Variants in RAB4A observed in about 807,000 individuals in gnomAD.
RAB4A encodes ras-related protein Rab-4A.
Under a neutral mutation model 34.5 loss-of-function variants are expected in RAB4A, and 20 were observed. The ratio of observed to expected loss-of-function variants is 0.58; its 90% CI spans 0.41 to 0.84. RAB4A has a LOEUF of 0.84. Among genes scored for constraint, RAB4A ranks in the 40% least tolerant of loss-of-function variants. The pLI is 0.00. For synonymous variants in RAB4A, 102 were observed against 100.0 expected, an observed-to-expected ratio of 1.02 and a Z score of -0.12; for missense variants, 228 against 274.5, an observed-to-expected ratio of 0.83 and a Z score of 1.20.
intron 6 of RAB4A, among the ~76,000 whole-genome samples, chr1:229,302,288 TA>T (rs55651674): frequency 0.013 from 302 of 24,112 alleles, 28 homozygotes; most frequent in African/African-American, 0.044. Context: ...TATATATATA[TA>T]TATATATATA....
At chr1:229,298,774 CT>C (rs1278376797) in intron 5 of RAB4A, among the ~76,000 whole-genome samples, 1 of 152,206 alleles carries the variant, frequency 6.6e-6, no homozygotes, top group East Asian at 1.9e-4. Flanking sequence ...ATAGCAGTTA[CT>C]TTTCAGAAAA....
chr1:229,276,445 C>G (rs1656651540), intron 1 of RAB4A, among the ~76,000 whole-genome samples: 1 of 151,490 alleles, frequency 6.6e-6, no homozygotes, highest in Non-Finnish European at 1.5e-5. Context: ...TGCTGATGCT[C>G]TGATGACTGT....
At chr1:229,276,336 C>A (rs1656649135) in intron 1 of RAB4A, among the ~76,000 whole-genome samples, 1 of 151,408 alleles carries the variant, frequency 6.6e-6, no homozygotes, top group South Asian at 2.1e-4. Context: ...TGACTCCATG[C>A]TCGAGAACTT....
At chr1:229,303,085 T>G in intron 7 of RAB4A, 96 bp downstream of exon 7, 2 of 853,784 alleles carry the variant, frequency 2.3e-6, no homozygotes, top group Non-Finnish European at 3.7e-6. Flanking sequence ...AAAGAGGGGA[T>G]CCCAGCCGGG....
chr1:229,294,728 G>A (rs562376254), intron 3 of RAB4A, among the ~76,000 whole-genome samples: 253 of 152,280 alleles, frequency 1.7e-3, no homozygotes, highest in Non-Finnish European at 3.1e-3. Context: ...TACTCAGGAG[G>A]CTGAGGCAGG....
intron 4 of RAB4A, 75 bp downstream of exon 4, chr1:229,295,985 C>T (rs1219067186): frequency 3.4e-6 from 5 of 1,480,328 alleles, no homozygotes; most frequent in Non-Finnish European, 4.7e-6. Flanking sequence ...GCGAGGTGCC[C>T]TCCGTGCAGT....
intron 1 of RAB4A, among the ~76,000 whole-genome samples, chr1:229,278,142 G>T (rs1656696015): frequency 6.6e-6 from 1 of 152,182 alleles, no homozygotes; most frequent in Non-Finnish European, 1.5e-5. Flanking sequence ...TGGGATTACA[G>T]GCATGATCCA....
intron 4 of RAB4A, 38 bp downstream of exon 4, chr1:229,295,948 T>G: frequency 6.2e-7 from 1 of 1,605,312 alleles, no homozygotes; most frequent in Non-Finnish European, 8.5e-7. Context: ...GGGTGCTCAG[T>G]GCCCTGCAGC....
rs1656461778 is a variant in RAB4A at position 229,271,292 on chromosome 1, C to G, written c.-48C>G. ...CCCACCGAGACGCGCCGGCGGACCG[C>G]GGGCGAGTGCAGCCGGTGACCCGGC... On this transcript the variant is annotated 5_prime_UTR_variant, in exon 1 of 8. Transcript: ENST00000366690. 2 of 1,329,030 alleles carry G rather than the reference C, an allele frequency of 1.5e-6. No homozygotes were observed. The highest frequency in any genetic ancestry group is 6.4e-5 in the East Asian group (2 of 31,488). The allele number at this position is 1,329,030 out of a possible 1,614,324, so 82.3% of individuals were successfully genotyped here.
intron 5 of RAB4A, among the ~76,000 whole-genome samples, chr1:229,298,649 G>A (rs1657304559): frequency 6.6e-6 from 1 of 152,232 alleles, no homozygotes; most frequent in Non-Finnish European, 1.5e-5. Flanking sequence ...AACTTTCCCT[G>A]AAATCAATGG....
chr1:229,275,677 G>A (rs765879852), intron 1 of RAB4A, among the ~76,000 whole-genome samples: 20 of 146,140 alleles, frequency 1.4e-4, no homozygotes, highest in Non-Finnish European at 2.5e-4. Context: ...CTGGAGTGCA[G>A]TGGCACAATC....
At chr1:229,295,557 G>A (rs1216979819) in intron 3 of RAB4A, among the ~76,000 whole-genome samples, 1 of 152,180 alleles carries the variant, frequency 6.6e-6, no homozygotes, top group African/African-American at 2.4e-5. Flanking sequence ...CATCTAGGGG[G>A]TGGTGCTGGC....
At chr1:229,277,873 C>CT (rs1558234854) in intron 1 of RAB4A, among the ~76,000 whole-genome samples, 2 of 151,200 alleles carry the variant, frequency 1.3e-5, no homozygotes, top group Non-Finnish European at 1.5e-5. Context: ...TCCCTTTCTT[C>CT]TTTTTTTCTG....
rs1048074329 is a variant in RAB4A at position 229,271,248 on chromosome 1, C to A, written c.-92C>A. The A allele has an allele frequency of 4.1e-6, 5 of 1,217,016 alleles. No homozygotes were observed. The highest frequency in any genetic ancestry group is 5.2e-6 in the Non-Finnish European group (5 of 964,826). 75.4% of individuals were successfully genotyped at this position (1,217,016 alleles called of 1,614,324 possible). Reference sequence around the variant, plus strand: ...CGGTCGGGCCCCTCCCTCCTCCGGTCCCCCGCCCCAGGTCCTTCCCCACCG... The same window carrying A: ...CGGTCGGGCCCCTCCCTCCTCCGGTACCCCGCCCCAGGTCCTTCCCCACCG... On this transcript the variant is annotated 5_prime_UTR_variant, in exon 1 of 8. Transcript: ENST00000366690.
intron 1 of RAB4A, among the ~76,000 whole-genome samples, chr1:229,284,328 A>G (rs1187515366): frequency 1.3e-5 from 2 of 151,178 alleles, no homozygotes; most frequent in Admixed American, 6.6e-5. Flanking sequence ...CGAACTCCTG[A>G]CTGAGGTGAT....
intron 1 of RAB4A, among the ~76,000 whole-genome samples, chr1:229,278,921 T>C (rs999734049): frequency 1.3e-5 from 2 of 152,236 alleles, no homozygotes; most frequent in African/African-American, 4.8e-5. Context: ...TCTTTTCATA[T>C]TCGGCCCTTA....
At chr1:229,294,816 G>A (rs538554601) in intron 3 of RAB4A, among the ~76,000 whole-genome samples, 1 of 152,252 alleles carries the variant, frequency 6.6e-6, no homozygotes, top group Non-Finnish European at 1.5e-5. Context: ...GGTAACGAGC[G>A]AAACTCTGTC....
At chr1:229,292,679 T>A (rs237770) in intron 3 of RAB4A, among the ~76,000 whole-genome samples, 1 of 152,108 alleles carries the variant, frequency 6.6e-6, no homozygotes, top group African/African-American at 2.4e-5. Context: ...AAAGTAGCTC[T>A]TCTTTGCCAA....
chr1:229,292,801 A>T (rs1202845040), intron 3 of RAB4A, among the ~76,000 whole-genome samples: 1 of 151,786 alleles, frequency 6.6e-6, no homozygotes, highest in Non-Finnish European at 1.5e-5. Context: ...TTCTGACATC[A>T]AGTCTATGGG....
Sources: allele counts gnomAD v4.1 joint callset (sites outside exome capture counted in the v4.1 genomes callset), GRCh38; gene constraint gnomAD v4.1.1; transcripts MANE v1.5; gene names NCBI Gene and HGNC (gene_info 2026-07-23, HGNC 2026-07-21).